The following HCN1 variants were observed in gnomAD, a reference collection of about 807,000 sequenced individuals.
The protein encoded by HCN1 is hyperpolarization activated cyclic nucleotide gated potassium channel 1, also known as potassium/sodium hyperpolarization-activated cyclic nucleotide-gated channel 1.
Under a neutral mutation model 78.9 loss-of-function variants are expected in HCN1, and 13 were observed. That is an observed-to-expected ratio of 0.16 (90% CI 0.11 to 0.26). The LOEUF (loss-of-function observed/expected upper bound fraction) is 0.26. Among genes scored for constraint, HCN1 ranks in the 10% least tolerant of loss-of-function variants. The pLI, the probability that HCN1 is intolerant of heterozygous loss-of-function variation, is 1.00. For synonymous variants in HCN1, 552 were observed against 455.5 expected (o/e 1.21, Z -2.70); for missense variants, 810 against 1,154.3 (o/e 0.70, Z 4.32).
At chr5:45,418,305 A>G (rs966390766) in intron 3 of HCN1, among the ~76,000 whole-genome samples, 2 of 151,518 alleles carry the variant, frequency 1.3e-5, no homozygotes, top group Non-Finnish European at 3.0e-5. Context: ...ATATGCAAAC[A>G]TAAGGATAAG....
chr5:45,422,287 T>G lies in HCN1; in HGVS notation c.1012-25577A>C, dbSNP rs554823386. Among the ~76,000 whole-genome samples, 19 of 152,344 alleles carry G rather than the reference T, an allele frequency of 1.2e-4. No individual in the cohort carries two copies. The East Asian group carries it at 3.5e-3, about 28-fold the overall frequency. On this transcript the variant is annotated intron_variant, in intron 3 of 7. Transcript: ENST00000303230. ...AGGTATGCGGTTTTCCCTGTTTCTGTGGGTCTTCCTTTCCAAAGGCTCTTG... is the reference window on the plus strand; with the variant it reads ...AGGTATGCGGTTTTCCCTGTTTCTGGGGGTCTTCCTTTCCAAAGGCTCTTG...
At chr5:45,489,724 A>C (rs1741840602) in intron 2 of HCN1, among the ~76,000 whole-genome samples, 1 of 152,156 alleles carries the variant, frequency 6.6e-6, no homozygotes, top group Non-Finnish European at 1.5e-5. Context: ...TGTCTAGGTG[A>C]AGTGTTCTCC....
At chr5:45,671,089 T>G (rs896067642) in intron 1 of HCN1, among the ~76,000 whole-genome samples, 1 of 151,678 alleles carries the variant, frequency 6.6e-6, no homozygotes, top group Non-Finnish European at 1.5e-5. Context: ...CTCAAATAAA[T>G]TCCTCAGTTA....
At chr5:45,396,454 G>C (rs1051014452) in intron 4 of HCN1, 38 bp downstream of exon 4, 1 of 1,511,912 alleles carries the variant, frequency 6.6e-7, no homozygotes, top group Admixed American at 1.8e-5. Flanking sequence ...GTTCAGGTTA[G>C]CTGGTTAAAG....
intron 4 of HCN1, among the ~76,000 whole-genome samples, chr5:45,370,929 T>C (rs1747341029): frequency 6.6e-6 from 1 of 152,104 alleles, no homozygotes; most frequent in African/African-American, 2.4e-5. Context: ...TGATTCTCCA[T>C]AAATATGTAT....
chr5:45,682,750 T>C (rs956099179), intron 1 of HCN1, among the ~76,000 whole-genome samples: 6 of 152,138 alleles, frequency 3.9e-5, no homozygotes, highest in South Asian at 2.1e-4. Context: ...ATTGTGTAAA[T>C]TGTGACATGT....
intron 7 of HCN1, among the ~76,000 whole-genome samples, chr5:45,266,791 C>A (rs1744867872): frequency 6.6e-6 from 1 of 151,848 alleles, no homozygotes. Flanking sequence ...TCAGGGCAAC[C>A]TCCACCTCCC....
At chr5:45,325,943 T>G (rs1476419129) in intron 5 of HCN1, among the ~76,000 whole-genome samples, 2 of 151,572 alleles carry the variant, frequency 1.3e-5, no homozygotes, top group Non-Finnish European at 3.0e-5. Context: ...TAAAAAATAC[T>G]TATTTTTATT....
At chr5:45,507,336 T>C (rs556887654) in intron 2 of HCN1, among the ~76,000 whole-genome samples, 2 of 152,144 alleles carry the variant, frequency 1.3e-5, no homozygotes, top group African/African-American at 2.4e-5. Context: ...ATACACAGTT[T>C]CCATGCAATG....
At chr5:45,676,054 C>T (rs1297106990) in intron 1 of HCN1, among the ~76,000 whole-genome samples, 1 of 151,754 alleles carries the variant, frequency 6.6e-6, no homozygotes. Context: ...CCCTGCTTCA[C>T]ATGATTTATA....
chr5:45,680,693 ATAGCCT>A (rs566300908), intron 1 of HCN1, among the ~76,000 whole-genome samples: 188 of 152,238 alleles, frequency 1.2e-3, no homozygotes, highest in Middle Eastern at 3.4e-3. Flanking sequence ...TCCTTTAATT[ATAGCCT>A]TGATCTTTCC....
chr5:45,308,546 A>G (rs1745784764), intron 5 of HCN1, among the ~76,000 whole-genome samples: 1 of 152,242 alleles, frequency 6.6e-6, no homozygotes, highest in Non-Finnish European at 1.5e-5. Flanking sequence ...TCTGGGGTTA[A>G]GCAGCAGGCC....
intron 4 of HCN1, among the ~76,000 whole-genome samples, chr5:45,368,441 T>C (rs1180712092): frequency 6.6e-6 from 1 of 152,056 alleles, no homozygotes. Context: ...TGATAAATAA[T>C]GGAATAATTT....
intron 1 of HCN1, among the ~76,000 whole-genome samples, chr5:45,682,800 A>G (rs1196544282): frequency 6.6e-6 from 1 of 152,142 alleles, no homozygotes; most frequent in Non-Finnish European, 1.5e-5. Flanking sequence ...AATAGATGAT[A>G]ACCTGGAGTT....
chr5:45,266,268 C>T (rs1744854024), intron 7 of HCN1, among the ~76,000 whole-genome samples: 1 of 151,948 alleles, frequency 6.6e-6, no homozygotes, highest in Admixed American at 6.6e-5. Flanking sequence ...CGAGGTAAAG[C>T]ATCTATGTAG....
At chr5:45,371,573 A>T (rs1223826567) in intron 4 of HCN1, among the ~76,000 whole-genome samples, 1 of 151,474 alleles carries the variant, frequency 6.6e-6, no homozygotes, top group Admixed American at 6.6e-5. Flanking sequence ...CCTGGACAAC[A>T]CAGTGAAACC....
At chr5:45,332,385 T>A (rs1746363145) in intron 5 of HCN1, among the ~76,000 whole-genome samples, 2 of 151,550 alleles carry the variant, frequency 1.3e-5, no homozygotes. Context: ...GAAGTTATTG[T>A]TCACTATAGT....
chr5:45,676,230 A>T (rs1171613304), intron 1 of HCN1, among the ~76,000 whole-genome samples: 1 of 151,744 alleles, frequency 6.6e-6, no homozygotes, highest in African/African-American at 2.4e-5. Context: ...CATCATGAAT[A>T]TTGCCTATGA....
At chr5:45,334,436 A>G (rs146879416) in intron 5 of HCN1, among the ~76,000 whole-genome samples, 3 of 151,780 alleles carry the variant, frequency 2.0e-5, no homozygotes, top group African/African-American at 2.4e-5. Flanking sequence ...TTTTTTCTCA[A>G]CAGTGTTAGT....
Sources: gnomAD v4.1 joint callset for allele counts (sites outside exome capture counted in the v4.1 genomes callset) on GRCh38, gnomAD v4.1.1 for gene constraint, MANE v1.5 for transcripts, NCBI Gene and HGNC (gene_info 2026-07-23, HGNC 2026-07-21) for gene names.